BRDT: variants seen among roughly 807,000 people sequenced by gnomAD.
The protein encoded by BRDT is bromodomain testis associated.
BRDT carries 77 observed loss-of-function variants against 113.9 expected under a neutral mutation model. That is an observed-to-expected ratio of 0.68 (90% CI 0.56 to 0.82). The LOEUF is 0.82. Among genes scored for constraint, BRDT ranks in the 40% least tolerant of loss-of-function variants. BRDT has a pLI of 0.00. For missense variants in BRDT, 1,027 were observed against 1,105.4 expected (o/e 0.93, Z 1.01); for synonymous variants, 358 against 366.5 (o/e 0.98, Z 0.26).
At chr1:91,972,121 T>G (rs1015864771) in intron 4 of BRDT, among the ~76,000 whole-genome samples, 1 of 152,192 alleles carries the variant, frequency 6.6e-6, no homozygotes, top group African/African-American at 2.4e-5. Flanking sequence ...ACTTGTAGTC[T>G]TCATGCTGCA....
chr1:91,962,067 C>T (rs1682515440), intron 1 of BRDT, among the ~76,000 whole-genome samples: 1 of 139,270 alleles, frequency 7.2e-6, no homozygotes, highest in African/African-American at 2.7e-5. Flanking sequence ...ATGGCGTGAA[C>T]CCGGGAGGCG....
At position 92,005,133 on chromosome 1, in the gene BRDT, G is replaced by A; in HGVS notation, c.2609G>A (p.Gly870Glu). 2 of 1,508,346 alleles carry A rather than the reference G, an allele frequency of 1.3e-6. No individual in the cohort carries two copies. Among genetic ancestry groups the A allele is most frequent in the African/African-American group, 1.4e-5 (1 of 69,622 alleles). 93.4% of individuals were successfully genotyped at this position (1,508,346 alleles called of 1,614,324 possible). Residue 870 changes from glycine (G) to glutamate (E), a missense_variant, in exon 18 of 19, where the codon GGA becomes GAA. Physicochemically the swap from Gly to Glu is moderately conservative, Grantham distance 98. Coordinates refer to ENST00000399546, the MANE Select transcript of BRDT (RefSeq NM_207189.4). ...TTTTCTTTAAGGGATCTTGGGAATG[G>A]ATTGACTGTAGAATCTTTTTCAAAT... ...SQENQRDLGNGLTVESFSNKI... is the reference protein window; with the variant it reads ...SQENQRDLGNELTVESFSNKI...
intron 4 of BRDT, among the ~76,000 whole-genome samples, chr1:91,975,438 G>A (rs1464838870): frequency 6.6e-6 from 1 of 152,154 alleles, no homozygotes; most frequent in Non-Finnish European, 1.5e-5. Context: ...TTTGGTTGCT[G>A]TTTTGAGGAT....
intron 1 of BRDT, among the ~76,000 whole-genome samples, chr1:91,954,378 CAA>C (rs1450143703): frequency 6.9e-6 from 1 of 145,160 alleles, no homozygotes; most frequent in African/African-American, 2.6e-5. Flanking sequence ...TTCATGAGCT[CAA>C]GTGATCCCCC....
Position 91,965,269 on chromosome 1 carries a change from C to T in BRDT, c.330+505C>T, listed in dbSNP as rs150857292. ...CTTTTTCACTGAATTTCATAATTTT[C>T]ACATACCAATACTTGTTCAGTCTAT... On this transcript the variant is annotated intron_variant, in intron 3 of 18. Coordinates refer to ENST00000399546, the MANE Select transcript of BRDT (RefSeq NM_207189.4). Among the ~76,000 whole-genome samples, 381 of 152,204 alleles carry T rather than the reference C, an allele frequency of 2.5e-3. 8 individuals carry two copies. The East Asian group carries it at 0.051, about 20-fold the overall frequency.
At chr1:92,005,616 T>C (rs1261660562) in intron 18 of BRDT, among the ~76,000 whole-genome samples, 1 of 152,070 alleles carries the variant, frequency 6.6e-6, no homozygotes, top group East Asian at 1.9e-4. Context: ...TACACTCCAG[T>C]GTGGGTGACA....
chr1:91,959,108 T>C (rs531242757), intron 1 of BRDT, among the ~76,000 whole-genome samples: 3 of 152,162 alleles, frequency 2.0e-5, no homozygotes, highest in South Asian at 4.1e-4. Flanking sequence ...TAAATACACA[T>C]ATATATATTT....
chr1:91,998,121 T>C (rs201909722), intron 15 of BRDT, among the ~76,000 whole-genome samples: 1 of 152,212 alleles, frequency 6.6e-6, no homozygotes, highest in East Asian at 1.9e-4. Flanking sequence ...GCCATACCCT[T>C]ATCCTTATAG....
At chr1:91,986,483 CAAAG>C (rs756655224) in intron 12 of BRDT, among the ~76,000 whole-genome samples, 18 of 152,236 alleles carry the variant, frequency 1.2e-4, no homozygotes, top group African/African-American at 4.1e-4. Flanking sequence ...GAGTTAAACA[CAAAG>C]AAACTAAATG....
At position 91,977,338 on chromosome 1, in the gene BRDT, G is replaced by A. The variant is rs757859527; in HGVS notation, c.914G>A (p.Gly305Glu). Residue 305 changes from glycine to glutamate, a missense_variant, in exon 6 of 19, where the codon GGA (glycine) becomes GAA (glutamate). By Grantham distance (98) the Gly-to-Glu change is moderately conservative. Coordinates refer to ENST00000399546, the MANE Select transcript of BRDT (RefSeq NM_207189.4). ...FYNPVDVNAL[G>E]LHNYYDVVKN... ...AATCCTGTTGACGTTAATGCTTTGG[G>A]ACTCCATAACTACTATGACGTTGTC... 6.2e-7 allele frequency: 1 copy of A among 1,613,460 alleles called. No individual in the cohort carries two copies. Among genetic ancestry groups the A allele is most frequent in the South Asian group, 1.1e-5 (1 of 90,814 alleles).
intron 1 of BRDT, among the ~76,000 whole-genome samples, chr1:91,953,619 C>T (rs188656518): frequency 7.8e-4 from 119 of 152,164 alleles, no homozygotes; most frequent in African/African-American, 2.8e-3. Context: ...GGCAGAGGTT[C>T]CAGTGAGCCA....
intron 3 of BRDT, among the ~76,000 whole-genome samples, chr1:91,965,082 G>A (rs889741736): frequency 4.6e-5 from 7 of 151,488 alleles, no homozygotes; most frequent in Admixed American, 4.6e-4. Context: ...CTAATTTTTT[G>A]TATCTTTTTT....
chr1:91,978,426 A>T, intron 7 of BRDT, 130 bp downstream of exon 7: 1 of 1,034,398 alleles, frequency 9.7e-7, no homozygotes, highest in Non-Finnish European at 1.4e-6. Flanking sequence ...AAAAACCACA[A>T]TTACTTTTGC....
rs746735216 is a variant in BRDT at position 91,977,351 on chromosome 1, C to G, written c.927C>G (p.Tyr309Ter). ...TTAATGCTTTGGGACTCCATAACTA[C>G]TATGACGTTGTCAAAAATCCGATGG... ...VDVNALGLHN[Y>*]YDVVKNPMDL... The change falls in exon 6 of 19, where the codon TAC becomes TAG. Residue 309 changes from tyrosine to a stop codon, truncating the protein, a stop_gained. Coordinates refer to ENST00000399546, the MANE Select transcript of BRDT (RefSeq NM_207189.4). LOFTEE classifies it high-confidence loss of function. 1 of 1,599,348 alleles carries G rather than the reference C, an allele frequency of 6.3e-7. No individual in the cohort carries two copies. The highest frequency in any genetic ancestry group is 2.2e-5 in the East Asian group (1 of 44,674).
At chr1:91,977,005 C>T in intron 5 of BRDT, 38 bp from the exon 6 acceptor site, 2 of 1,466,634 alleles carry the variant, frequency 1.4e-6, no homozygotes, top group Non-Finnish European at 9.2e-7. Flanking sequence ...TGAATATCAT[C>T]TCAAATATAT....
Position 91,981,073 on chromosome 1 carries a change from C to G in BRDT, c.1645C>G (p.Pro549Ala). ...AGAGCCTTCTCTGAGCAATTCCAAT[C>G]CTGATGAGATAGAGATAGACTTTGA... ...SREPSLSNSN[P>A]DEIEIDFETL... is the part of the protein sequence containing the mutation. Residue 549 changes from proline to alanine, a missense_variant, in exon 10 of 19, where the codon CCT (proline) becomes GCT (alanine). Physicochemically the swap from Pro to Ala is conservative, Grantham distance 27. Coordinates refer to ENST00000399546, the MANE Select transcript of BRDT (RefSeq NM_207189.4). The G allele has an allele frequency of 6.2e-7, 1 of 1,614,016 alleles. No individual in the cohort carries two copies. Among genetic ancestry groups the G allele is most frequent in the East Asian group, 2.2e-5 (1 of 44,848 alleles).
At chr1:92,009,389 C>G (rs1447750116) in intron 18 of BRDT, among the ~76,000 whole-genome samples, 2 of 152,020 alleles carry the variant, frequency 1.3e-5, no homozygotes, top group Non-Finnish European at 2.9e-5. Flanking sequence ...CATGTCTTGG[C>G]TATCACAATA....
intron 4 of BRDT, among the ~76,000 whole-genome samples, chr1:91,971,319 C>T (rs553107454): frequency 5.9e-5 from 9 of 152,080 alleles, no homozygotes; most frequent in Admixed American, 2.0e-4. Flanking sequence ...AACCATATCA[C>T]GCTGGAAAAG....
intron 15 of BRDT, among the ~76,000 whole-genome samples, chr1:91,995,406 TGTGTGTGTGTGTGTGTG>T: frequency 0.013 from 1 of 80 alleles, no homozygotes. Context: ...TACTATTCTG[TGTGTGTGTGTGTGTGTG>T]TGTGTGTGTG....
Sources: gnomAD v4.1 joint callset for allele counts (sites outside exome capture counted in the v4.1 genomes callset) on GRCh38, gnomAD v4.1.1 for gene constraint, MANE v1.5 for transcripts, NCBI Gene and HGNC (gene_info 2026-07-23, HGNC 2026-07-21) for gene names.